The following PANK1 variants were observed in gnomAD, a reference collection of about 807,000 sequenced individuals.
The protein encoded by PANK1 is pantothenate kinase 1, also known as pantothenic acid kinase 1.
Under a neutral mutation model 40.1 loss-of-function variants are expected in PANK1, and 18 were observed. The ratio of observed to expected loss-of-function variants is 0.45; its 90% CI spans 0.31 to 0.67. The LOEUF (loss-of-function observed/expected upper bound fraction) is 0.67. Ranked by LOEUF, PANK1 falls within the 30% of genes least tolerant of loss-of-function variation. PANK1 has a pLI of 0.06. For missense variants in PANK1, 457 were observed against 599.6 expected, an observed-to-expected ratio of 0.76 and a Z score of 2.48; for synonymous variants, 242 against 237.7, an observed-to-expected ratio of 1.02 and a Z score of -0.17.
chr10:89,615,239 C>T (rs1304225560), intron 1 of PANK1, among the ~76,000 whole-genome samples: 1 of 152,194 alleles, frequency 6.6e-6, no homozygotes, highest in Non-Finnish European at 1.5e-5. Context: ...CCCCAGAAAA[C>T]AATCTAGTTC....
At chr10:89,639,196 A>C in intron 1 of PANK1, 2 of 454,192 alleles carry the variant, frequency 4.4e-6, no homozygotes, top group South Asian at 3.1e-5. Context: ...CATCTGGTGA[A>C]GGCCTTCTTG....
chr10:89,593,700 A>C, intron 4 of PANK1, 113 bp downstream of exon 4: 1 of 759,958 alleles, frequency 1.3e-6, no homozygotes, highest in Non-Finnish European at 2.3e-6. Context: ...CTGATACAAC[A>C]GGTATCTGCA....
chr10:89,621,296 C>G (rs2133979819), intron 1 of PANK1, among the ~76,000 whole-genome samples: 1 of 136,672 alleles, frequency 7.3e-6, no homozygotes, highest in Non-Finnish European at 1.5e-5. Context: ...AGCACAAACT[C>G]TGTCTCATAA....
Position 89,644,666 on chromosome 10 carries a change from G to T in PANK1, c.226C>A (p.His76Asn). 6.4e-7 allele frequency: 1 copy of T among 1,571,156 alleles called. No homozygotes were observed. Residue 76 changes from histidine to asparagine, a missense_variant, in exon 1 of 7, where the codon CAT becomes AAT. His to Asn is a moderately conservative substitution (Grantham distance 68). This residue lies in a region of PANK1 where 144 missense variants were observed against 131.2 expected (regional missense o/e 1.10). Transcript: ENST00000307534. The stretch of plus-strand genomic sequence containing the variant: ...CGGCATTTCTTGGCCGGGGAGTCAT[G>T]CTGAGGGAGCAGTGGCTGCGGCTGC... ...ELQPQPLLPQ[H>N]DSPAKKCRLR...
intron 6 of PANK1, among the ~76,000 whole-genome samples, chr10:89,584,899 C>T (rs1030699945): frequency 1.3e-5 from 2 of 152,186 alleles, no homozygotes; most frequent in Non-Finnish European, 2.9e-5. Context: ...CTAAACTTCC[C>T]TCAGTAGCTC....
At chr10:89,622,130 A>G (rs1027700046) in intron 1 of PANK1, among the ~76,000 whole-genome samples, 1 of 152,258 alleles carries the variant, frequency 6.6e-6, no homozygotes, top group Non-Finnish European at 1.5e-5. Flanking sequence ...TACTTTTAAT[A>G]GCATGAAACA....
chr10:89,635,612 T>C (rs1377567755), intron 1 of PANK1, among the ~76,000 whole-genome samples: 1 of 152,142 alleles, frequency 6.6e-6, no homozygotes, highest in East Asian at 1.9e-4. Context: ...AAAAGACACA[T>C]TCATGTCATG....
Position 89,583,365 on chromosome 10 carries a change from G to A in PANK1, c.*1041C>T, listed in dbSNP as rs1844093931. On this transcript the variant is annotated 3_prime_UTR_variant, in exon 7 of 7. Coordinates refer to ENST00000307534, the MANE Select transcript of PANK1 (RefSeq NM_148977.3). ...TGAAAAAACCTTTAACATTATTAAA[G>A]ATGTGTTGTTACAAAGTTCCTAGAT... 6.6e-6 allele frequency: 1 copy of A among 152,114 alleles called. No homozygotes were observed. The highest frequency in any genetic ancestry group is 1.5e-5 in the Non-Finnish European group (1 of 67,998). 9.4% of individuals were successfully genotyped at this position (152,114 alleles called of 1,614,324 possible). A position where few individuals can be genotyped will look rare whatever the true frequency, so the allele number is the denominator to read the frequency against.
At chr10:89,595,854 ATATATATATATATATATAT>A (rs1844575412) in intron 3 of PANK1, among the ~76,000 whole-genome samples, 1 of 117,180 alleles carries the variant, frequency 8.5e-6, no homozygotes, top group Non-Finnish European at 1.7e-5. Context: ...ATATATATAT[ATATATATATATATATATAT>A]AACTTCATTT....
rs1218411883 is a variant in PANK1, at chr10:89,636,340, ATTT to A, written c.292+8257_292+8259del. ...AGTTATTATTATTATTATTATTATTATTTTTAATTTTTATTTTTTTTGAGATGG... is the reference window on the plus strand; with the variant it reads ...AGTTATTATTATTATTATTATTATTATTAATTTTTATTTTTTTTGAGATGG... On this transcript the variant is annotated intron_variant, in intron 1 of 6. Coordinates refer to ENST00000307534, the MANE Select transcript of PANK1 (RefSeq NM_148977.3). Among the ~76,000 whole-genome samples, 644 of 150,060 alleles carry A rather than the reference ATTT, an allele frequency of 4.3e-3. 8 individuals carry two copies. The highest frequency in any genetic ancestry group is 2.6e-3 in the Non-Finnish European group (176 of 67,642).
chr10:89,604,111 T>G (rs893585522), intron 2 of PANK1, among the ~76,000 whole-genome samples: 1 of 152,158 alleles, frequency 6.6e-6, no homozygotes, highest in Non-Finnish European at 1.5e-5. Flanking sequence ...AAAAAAGTGA[T>G]GAAAGCAATC....
At chr10:89,620,953 C>A (rs1469903577) in intron 1 of PANK1, among the ~76,000 whole-genome samples, 1 of 152,110 alleles carries the variant, frequency 6.6e-6, no homozygotes, top group Non-Finnish European at 1.5e-5. Flanking sequence ...TATTTTACAC[C>A]AAATGAATAT....
downstream of PANK1, chr10:89,582,161 A>C (rs1844063326): frequency 6.6e-6 from 1 of 152,218 alleles, no homozygotes; most frequent in Admixed American, 6.5e-5. Context: ...GAGGCTTAGC[A>C]TATCTTTGAA....
At chr10:89,623,158 A>G (rs1845549889) in intron 1 of PANK1, among the ~76,000 whole-genome samples, 1 of 152,168 alleles carries the variant, frequency 6.6e-6, no homozygotes, top group Non-Finnish European at 1.5e-5. Flanking sequence ...TAGCTGGATC[A>G]TGGATTGGGG....
intron 3 of PANK1, among the ~76,000 whole-genome samples, chr10:89,596,444 C>T (rs1025138220): frequency 2.6e-5 from 4 of 152,190 alleles, no homozygotes; most frequent in Non-Finnish European, 5.9e-5. Context: ...TGACAGACAA[C>T]TCCACATAAA....
Position 89,645,014 on chromosome 10 carries a change from G to T in PANK1, c.-123C>A, listed in dbSNP as rs1379742653. ...TTCCGATTCAGCAGCCGCAGAGCCG[G>T]CGCCTGGGGATGGCGAACCCGGCGC... On this transcript the variant is annotated 5_prime_UTR_variant, in exon 1 of 7. Transcript: ENST00000307534. The T allele has an allele frequency of 3.2e-6, 5 of 1,566,930 alleles. No homozygotes were observed. In the African/African-American group the frequency reaches 5.7e-5, roughly 18 times the overall value.
chr10:89,635,429 T>C (rs987122261), intron 1 of PANK1, among the ~76,000 whole-genome samples: 2 of 152,118 alleles, frequency 1.3e-5, no homozygotes, highest in African/African-American at 4.8e-5. Context: ...TCAAACCCTT[T>C]TATAATGGCA....
intron 1 of PANK1, among the ~76,000 whole-genome samples, chr10:89,641,225 C>A (rs577961882): frequency 6.6e-6 from 1 of 152,168 alleles, no homozygotes; most frequent in South Asian, 2.1e-4. Flanking sequence ...GCAGATACAA[C>A]CAGAAAATTT....
chr10:89,637,858 T>C (rs1296978212), intron 1 of PANK1, among the ~76,000 whole-genome samples: 2 of 152,168 alleles, frequency 1.3e-5, no homozygotes, highest in African/African-American at 4.8e-5. Context: ...ACAAACATAT[T>C]GTATAGGTGT....
Sources: gnomAD v4.1 joint callset for allele counts (sites outside exome capture counted in the v4.1 genomes callset) on GRCh38, gnomAD v4.1.1 for gene constraint, gnomAD v4.1.1 regional missense constraint, MANE v1.5 for transcripts, NCBI Gene and HGNC (gene_info 2026-07-23, HGNC 2026-07-21) for gene names.